Variants in PRKN observed in about 807,000 individuals in gnomAD.
The protein encoded by PRKN is parkin RBR E3 ubiquitin protein ligase, also known as E3 ubiquitin-protein ligase parkin.
In PRKN, 56 loss-of-function variants were observed where a neutral mutation model predicts 59.5. That is an observed-to-expected ratio of 0.94 (90% CI 0.76 to 1.18). The LOEUF (loss-of-function observed/expected upper bound fraction) is 1.18. Ranked by LOEUF, PRKN falls within the 50% of genes most tolerant of loss-of-function variation. PRKN has a pLI of 0.00. For synonymous variants in PRKN, 250 were observed against 222.1 expected (o/e 1.13, Z -1.12); for missense variants, 657 against 596.4 (o/e 1.10, Z -1.06).
At chr6:162,403,367 C>T (rs988614201) in intron 2 of PRKN, among the ~76,000 whole-genome samples, 5 of 152,126 alleles carry the variant, frequency 3.3e-5, no homozygotes, top group African/African-American at 1.2e-4. Flanking sequence ...CGTCTTTACT[C>T]AAATGCCTTC....
intron 7 of PRKN, among the ~76,000 whole-genome samples, chr6:161,729,380 G>A (rs1562637764): frequency 6.6e-6 from 1 of 151,110 alleles, no homozygotes; most frequent in Non-Finnish European, 1.5e-5. Context: ...AAAAATGACA[G>A]TTTTTTTTTG....
At chr6:161,610,492 TACACACACACACACACAC>T (rs370179659) in intron 7 of PRKN, among the ~76,000 whole-genome samples, 5 of 139,826 alleles carry the variant, frequency 3.6e-5, no homozygotes, top group Admixed American at 1.5e-4. Context: ...ATATTAATAA[TACACACACACACACACAC>T]ACACACACAC....
chr6:162,289,674 C>A (rs569760137), intron 2 of PRKN, among the ~76,000 whole-genome samples: 1 of 141,574 alleles, frequency 7.1e-6, no homozygotes, highest in Non-Finnish European at 1.5e-5. Flanking sequence ...GCCAACAGAG[C>A]GAGACACTGT....
chr6:162,714,168 C>G (rs553453230), intron 1 of PRKN, among the ~76,000 whole-genome samples: 24 of 152,270 alleles, frequency 1.6e-4, no homozygotes, highest in African/African-American at 5.3e-4. Context: ...TGTGGTGGCC[C>G]TGCTGGAGGT....
chr6:161,874,158 A>G (rs868669002), intron 6 of PRKN, among the ~76,000 whole-genome samples: 1 of 44,046 alleles, frequency 2.3e-5, no homozygotes, highest in Admixed American at 3.9e-4. Context: ...AATATATATT[A>G]TATATAATAT....
At chr6:162,542,804 G>A (rs73591879) in intron 1 of PRKN, among the ~76,000 whole-genome samples, 3,478 of 152,132 alleles carry the variant, frequency 0.023, 154 homozygotes, top group African/African-American at 0.078. Context: ...ACCTCCACCC[G>A]GGGCACAGAG....
chr6:162,449,828 T>A (rs966284602), intron 1 of PRKN, among the ~76,000 whole-genome samples: 4 of 152,172 alleles, frequency 2.6e-5, no homozygotes, highest in Non-Finnish European at 5.9e-5. Context: ...AAATTGGGAC[T>A]TCACTAAAGA....
In PRKN at chr6:161,526,964, G is replaced by A. The variant is rs1439550773; in HGVS notation, c.1083+21890C>T. The stretch of plus-strand genomic sequence containing the variant: ...GTGACAGGTTATGGAAAGGTGAGGG[G>A]AGGAAATGTATGATGAACAAAGGCT... On this transcript the variant is annotated intron_variant, in intron 9 of 11. Coordinates refer to ENST00000366898, the MANE Select transcript of PRKN (RefSeq NM_004562.3). This position sits in a 1 kb window ranked among gnomAD's most constrained non-coding sequence, Gnocchi z 4.1. 2.0e-5 allele frequency among the ~76,000 whole-genome samples: 3 copies of A among 152,106 alleles called. No individual in the cohort carries two copies. The highest frequency in any genetic ancestry group is 2.1e-4 in the South Asian group (1 of 4,828).
At position 161,506,008 on chromosome 6, in the gene PRKN, G is replaced by A. The variant is rs1274775630; in HGVS notation, c.1083+42846C>T. 2.0e-5 allele frequency among the ~76,000 whole-genome samples: 3 copies of A among 151,886 alleles called. No homozygotes were observed. In the South Asian group the frequency reaches 6.2e-4, roughly 32 times the overall value. Reference sequence around the variant, plus strand: ...GGCTTAGGATTGACTTGGCGATGCGGGTTCTTTTTTGGTTCCATATGAACT... The same window carrying A: ...GGCTTAGGATTGACTTGGCGATGCGAGTTCTTTTTTGGTTCCATATGAACT... On this transcript the variant is annotated intron_variant, in intron 9 of 11. Coordinates refer to ENST00000366898, the MANE Select transcript of PRKN (RefSeq NM_004562.3).
At chr6:162,325,398 T>C (rs183962615) in intron 2 of PRKN, among the ~76,000 whole-genome samples, 1 of 152,138 alleles carries the variant, frequency 6.6e-6, no homozygotes, top group Non-Finnish European at 1.5e-5. Context: ...TTTCAACTCA[T>C]CTCGACGGAA....
intron 2 of PRKN, among the ~76,000 whole-genome samples, chr6:162,368,091 G>A (rs1785549752): frequency 6.6e-6 from 1 of 152,168 alleles, no homozygotes; most frequent in African/African-American, 2.4e-5. Flanking sequence ...AGATGTCACA[G>A]GAACTCGCTG....
intron 1 of PRKN, among the ~76,000 whole-genome samples, chr6:162,504,078 AGAG>A (rs1793500891): frequency 6.6e-6 from 1 of 152,124 alleles, no homozygotes; most frequent in Non-Finnish European, 1.5e-5. Flanking sequence ...ACAGAGAGAG[AGAG>A]AGAGATCACA....
At chr6:162,290,920 G>T (rs1266001567) in intron 2 of PRKN, among the ~76,000 whole-genome samples, 1 of 152,156 alleles carries the variant, frequency 6.6e-6, no homozygotes, top group South Asian at 2.1e-4. Context: ...AGCCAGTTAA[G>T]TGCTCACTTT....
At chr6:161,659,491 G>C (rs1784468318) in intron 7 of PRKN, among the ~76,000 whole-genome samples, 1 of 152,170 alleles carries the variant, frequency 6.6e-6, no homozygotes, top group South Asian at 2.1e-4. Flanking sequence ...TTTCTGGAAG[G>C]CTAGTTCACT....
chr6:161,468,034 G>A lies in PRKN; in HGVS notation c.1083+80820C>T, dbSNP rs1199372411. 2.6e-5 allele frequency among the ~76,000 whole-genome samples: 4 copies of A among 152,094 alleles called. No individual in the cohort carries two copies. Among genetic ancestry groups the A allele is most frequent in the Non-Finnish European group, 5.9e-5 (4 of 68,026 alleles). ...TTCAACCAGGCTGGAGTGAAGTGGT[G>A]TGATCTCAGCTCACTGCAACCTCTG... On this transcript the variant is annotated intron_variant, in intron 9 of 11. Coordinates refer to ENST00000366898, the MANE Select transcript of PRKN (RefSeq NM_004562.3). This position sits in a 1 kb window ranked among gnomAD's most constrained non-coding sequence, Gnocchi z 5.9.
intron 2 of PRKN, among the ~76,000 whole-genome samples, chr6:162,273,662 T>C (rs1780488195): frequency 6.6e-6 from 1 of 152,194 alleles, no homozygotes; most frequent in Non-Finnish European, 1.5e-5. Flanking sequence ...AGGAGCTTCA[T>C]GATGTTGGAG....
intron 9 of PRKN, among the ~76,000 whole-genome samples, chr6:161,532,114 A>C (rs1779234921): frequency 6.7e-6 from 1 of 149,988 alleles, no homozygotes. Flanking sequence ...AAAATCAATC[A>C]ATCTATCCAT....
chr6:162,552,919 G>C (rs150703172), intron 1 of PRKN, among the ~76,000 whole-genome samples: 9 of 152,168 alleles, frequency 5.9e-5, no homozygotes, highest in Middle Eastern at 3.2e-3. Flanking sequence ...CGAAAGCAGA[G>C]TTTCAACCAG....
At chr6:162,486,937 G>A (rs1017074930) in intron 1 of PRKN, among the ~76,000 whole-genome samples, 1 of 152,108 alleles carries the variant, frequency 6.6e-6, no homozygotes, top group African/African-American at 2.4e-5. Flanking sequence ...GGGCGTGGTA[G>A]TGCATACCTG....
Sources: allele counts gnomAD v4.1 joint callset (sites outside exome capture counted in the v4.1 genomes callset), GRCh38; gene constraint gnomAD v4.1.1; non-coding constraint Gnocchi (gnomAD v3.1); transcripts MANE v1.5; gene names NCBI Gene and HGNC (gene_info 2026-07-23, HGNC 2026-07-21).